The following RABGAP1L variants were observed in gnomAD, a reference collection of about 807,000 sequenced individuals.
The protein encoded by RABGAP1L is rab GTPase-activating protein 1-like.
Under a neutral mutation model 137.7 loss-of-function variants are expected in RABGAP1L, and 63 were observed. The observed-to-expected ratio is 0.46, with a 90% confidence interval of 0.37 to 0.56. RABGAP1L has a LOEUF of 0.56. RABGAP1L is among the 20% of genes least tolerant of loss of function. RABGAP1L has a pLI of 0.00. For missense variants in RABGAP1L, 1,095 were observed against 1,244.0 expected (o/e 0.88, Z 1.80); for synonymous variants, 431 against 433.7 (o/e 0.99, Z 0.08).
chr1:174,604,272 T>A (rs531430592), intron 13 of RABGAP1L, among the ~76,000 whole-genome samples: 1 of 152,296 alleles, frequency 6.6e-6, no homozygotes, highest in Admixed American at 6.5e-5. Flanking sequence ...AAATGCTCCC[T>A]CCATTGGCAC....
chr1:174,902,558 G>A lies in RABGAP1L; in HGVS notation c.2341-54899G>A, dbSNP rs558775749. On this transcript the variant is annotated intron_variant, in intron 19 of 25. Transcript: ENST00000681986. Reference sequence around the variant, plus strand: ...ATTTAAAACTCCTGGGTCTCTGCATGTACCTAAGTGGCTACTCTGCCGTGA... The same window carrying A: ...ATTTAAAACTCCTGGGTCTCTGCATATACCTAAGTGGCTACTCTGCCGTGA... Among the ~76,000 whole-genome samples, 4 of 152,324 alleles carry A rather than the reference G, an allele frequency of 2.6e-5. No homozygotes were observed. The East Asian group carries it at 7.7e-4, about 29-fold the overall frequency.
intron 13 of RABGAP1L, among the ~76,000 whole-genome samples, chr1:174,419,160 T>C (rs1381798085): frequency 6.6e-6 from 1 of 152,212 alleles, no homozygotes; most frequent in African/African-American, 2.4e-5. Context: ...TTTATTTACA[T>C]TCAGTTTTAA....
intron 19 of RABGAP1L, among the ~76,000 whole-genome samples, chr1:174,863,178 G>A (rs545496909): frequency 7.4e-6 from 1 of 134,972 alleles, no homozygotes; most frequent in East Asian, 2.2e-4. Flanking sequence ...ACAGGGGTGA[G>A]CCACTGTGCC....
chr1:174,712,840 G>T (rs72715282), intron 17 of RABGAP1L, among the ~76,000 whole-genome samples: 9,650 of 152,264 alleles, frequency 0.063, 431 homozygotes, highest in Admixed American at 0.095. Context: ...TCAGTGGCCT[G>T]CTGGTGTCTG....
chr1:174,762,981 A>T lies in RABGAP1L; in HGVS notation c.2211+10627A>T, dbSNP rs1685353375. Among the ~76,000 whole-genome samples, 3 of 151,466 alleles carry T rather than the reference A, an allele frequency of 2.0e-5. No homozygotes were observed. The South Asian group carries it at 6.2e-4, about 32-fold the overall frequency. ...AGGCATGCGCCGCCACACCTGGCTA[A>T]TTTTTGTATTTTTGGTAGAGGCAGG... On this transcript the variant is annotated intron_variant, in intron 18 of 25. Coordinates refer to ENST00000681986, the MANE Select transcript of RABGAP1L (RefSeq NM_001366446.1).
chr1:174,783,765 G>A (rs1231321938), intron 18 of RABGAP1L, among the ~76,000 whole-genome samples: 1 of 136,982 alleles, frequency 7.3e-6, no homozygotes, highest in East Asian at 2.1e-4. Context: ...CTGGAGTGCA[G>A]TGGCGTGATC....
chr1:174,745,449 G>A (rs1419894774), intron 17 of RABGAP1L, among the ~76,000 whole-genome samples: 2 of 152,140 alleles, frequency 1.3e-5, no homozygotes, highest in Non-Finnish European at 2.9e-5. Flanking sequence ...TCAAATAATT[G>A]TGACTCTTTA....
intron 11 of RABGAP1L, among the ~76,000 whole-genome samples, chr1:174,307,360 G>A (rs1031451447): frequency 4.6e-5 from 7 of 152,150 alleles, no homozygotes; most frequent in African/African-American, 1.2e-4. Flanking sequence ...TGGCATTTTA[G>A]TACATTCACA....
intron 13 of RABGAP1L, among the ~76,000 whole-genome samples, chr1:174,611,315 C>G (rs997936267): frequency 1.3e-5 from 2 of 151,976 alleles, no homozygotes; most frequent in African/African-American, 4.8e-5. Flanking sequence ...AATAGGGAAT[C>G]CTTTCCCCAT....
In RABGAP1L at chr1:174,921,435, A is replaced by G. The variant is rs78553695; in HGVS notation, c.2341-36022A>G. 9.8e-3 allele frequency among the ~76,000 whole-genome samples: 1,489 copies of G among 152,308 alleles called. 26 individuals carry two copies. Among genetic ancestry groups the G allele is most frequent in the African/African-American group, 0.034 (1,425 of 41,558 alleles). ...TAGACCTACAAACTTTCTTACCATTATCACATGCTGAGACATATAATAAAG... is the reference window on the plus strand; with the variant it reads ...TAGACCTACAAACTTTCTTACCATTGTCACATGCTGAGACATATAATAAAG... On this transcript the variant is annotated intron_variant, in intron 19 of 25. Coordinates refer to ENST00000681986, the MANE Select transcript of RABGAP1L (RefSeq NM_001366446.1).
intron 19 of RABGAP1L, chr1:174,877,753 CAT>C (rs1319361974): frequency 2.3e-5 from 18 of 781,580 alleles, no homozygotes; most frequent in African/African-American, 3.5e-5. Context: ...ATTAAACACT[CAT>C]ATAACAGTAG....
intron 13 of RABGAP1L, among the ~76,000 whole-genome samples, chr1:174,607,826 G>A (rs1279327307): frequency 6.6e-6 from 1 of 152,178 alleles, no homozygotes; most frequent in Admixed American, 6.5e-5. Flanking sequence ...CAAAATGTGT[G>A]TTTTAGAAAC....
intron 19 of RABGAP1L, among the ~76,000 whole-genome samples, chr1:174,865,803 A>G (rs1307270675): frequency 6.6e-6 from 1 of 152,190 alleles, no homozygotes; most frequent in East Asian, 1.9e-4. Context: ...ATTAGTAGCT[A>G]TAGTAACTAT....
chr1:174,712,473 C>T (rs752290683), intron 17 of RABGAP1L, among the ~76,000 whole-genome samples: 1 of 152,154 alleles, frequency 6.6e-6, no homozygotes, highest in South Asian at 2.1e-4. Context: ...ACTTCTGAAG[C>T]CAGCGAGACC....
intron 18 of RABGAP1L, among the ~76,000 whole-genome samples, chr1:174,810,420 G>A (rs537887251): frequency 1.3e-5 from 2 of 152,318 alleles, no homozygotes; most frequent in African/African-American, 4.8e-5. Context: ...TGGACTACAT[G>A]TCTTGCTAGT....
chr1:174,286,934 CTT>C (rs978056326), intron 10 of RABGAP1L, among the ~76,000 whole-genome samples: 1 of 151,854 alleles, frequency 6.6e-6, no homozygotes, highest in African/African-American at 2.4e-5. Context: ...GAATTTAAGA[CTT>C]TTTTTGTGTG....
intron 17 of RABGAP1L, among the ~76,000 whole-genome samples, chr1:174,726,241 T>G (rs560523787): frequency 3.9e-5 from 6 of 152,238 alleles, no homozygotes; most frequent in African/African-American, 1.4e-4. Context: ...TTTCATATTG[T>G]GACTTTTGGG....
chr1:174,367,093 A>G (rs1009181957), intron 11 of RABGAP1L: 2 of 152,316 alleles, frequency 1.3e-5, no homozygotes, highest in Non-Finnish European at 2.9e-5. Flanking sequence ...TCCCTGTAAC[A>G]TGGGATTTAT....
At chr1:174,684,904 C>T (rs1375218277) in intron 15 of RABGAP1L, among the ~76,000 whole-genome samples, 1 of 152,034 alleles carries the variant, frequency 6.6e-6, no homozygotes, top group African/African-American at 2.4e-5. Context: ...CCACTTGAGC[C>T]TGGGAGGTCA....
Sources: gnomAD v4.1 joint callset for allele counts (sites outside exome capture counted in the v4.1 genomes callset) on GRCh38, gnomAD v4.1.1 for gene constraint, MANE v1.5 for transcripts, NCBI Gene and HGNC (gene_info 2026-07-23, HGNC 2026-07-21) for gene names.